Variants in CREB5 observed in about 807,000 individuals in gnomAD.
The protein encoded by CREB5 is cAMP responsive element binding protein 5, also known as cyclic AMP-responsive element-binding protein 5.
Under a neutral mutation model 57.1 loss-of-function variants are expected in CREB5, and 19 were observed. That is an observed-to-expected ratio of 0.33 (90% CI 0.23 to 0.49). CREB5 has a LOEUF of 0.49. Ranked by LOEUF, CREB5 falls within the 20% of genes least tolerant of loss-of-function variation. The pLI is 0.99. For synonymous variants in CREB5, 238 were observed against 238.3 expected (o/e 1.00, Z 0.01); for missense variants, 579 against 671.6 (o/e 0.86, Z 1.52).
chr7:28,559,030 C>G (rs1486691542), intron 4 of CREB5, among the ~76,000 whole-genome samples: 1 of 152,172 alleles, frequency 6.6e-6, no homozygotes, highest in African/African-American at 2.4e-5. Context: ...TTTAAATACC[C>G]TTTCGTCTCC....
intron 5 of CREB5, among the ~76,000 whole-genome samples, chr7:28,714,471 C>A (rs1176421630): frequency 1.3e-5 from 2 of 152,156 alleles, no homozygotes; most frequent in Non-Finnish European, 1.5e-5. Flanking sequence ...GGTGGAGAGA[C>A]CCCTTCGCAC....
intron 7 of CREB5, among the ~76,000 whole-genome samples, chr7:28,800,004 T>C (rs779710191): frequency 1.5e-4 from 23 of 152,248 alleles, no homozygotes; most frequent in Non-Finnish European, 2.6e-4. Context: ...CAGTGTATCA[T>C]ATGTATCAGG....
At chr7:28,721,391 G>A (rs574028478) in intron 6 of CREB5, among the ~76,000 whole-genome samples, 51 of 152,312 alleles carry the variant, frequency 3.3e-4, no homozygotes, top group African/African-American at 1.1e-3. Flanking sequence ...AAAGCATATC[G>A]TAAGAGTTCC....
chr7:28,313,156 C>T (rs550095494), intron 1 of CREB5, among the ~76,000 whole-genome samples: 8 of 152,274 alleles, frequency 5.3e-5, no homozygotes, highest in African/African-American at 1.9e-4. Context: ...ATGTACGCAG[C>T]TGTTATTGAT....
intron 5 of CREB5, among the ~76,000 whole-genome samples, chr7:28,573,127 C>T (rs1795769623): frequency 6.6e-6 from 1 of 152,144 alleles, no homozygotes; most frequent in Admixed American, 6.5e-5. Context: ...CAGTATGAAA[C>T]TCTAGGTGGT....
chr7:28,420,332 T>C (rs1382858167), intron 1 of CREB5, among the ~76,000 whole-genome samples: 7 of 152,328 alleles, frequency 4.6e-5, no homozygotes, highest in East Asian at 3.9e-4. Flanking sequence ...GAGTAAATCA[T>C]GTGGCTGCTT....
chr7:28,344,980 G>A (rs928690475), intron 1 of CREB5, among the ~76,000 whole-genome samples: 1 of 152,172 alleles, frequency 6.6e-6, no homozygotes, highest in Admixed American at 6.5e-5. Flanking sequence ...AATAATTTAT[G>A]CACCCAACAT....
intron 1 of CREB5, among the ~76,000 whole-genome samples, chr7:28,419,684 A>AT (rs918791880): frequency 2.3e-4 from 35 of 152,154 alleles, no homozygotes; most frequent in African/African-American, 7.9e-4. Context: ...TGTGCTTATC[A>AT]TTTTTTTTAG....
At chr7:28,803,577 T>C (rs1490519603) in intron 7 of CREB5, among the ~76,000 whole-genome samples, 1 of 151,908 alleles carries the variant, frequency 6.6e-6, no homozygotes, top group East Asian at 1.9e-4. Context: ...GCCAAGATGA[T>C]GAAACCCCAT....
chr7:28,705,598 A>G (rs1172046402), intron 5 of CREB5, among the ~76,000 whole-genome samples: 1 of 152,192 alleles, frequency 6.6e-6, no homozygotes, highest in Admixed American at 6.5e-5. Flanking sequence ...TCAGACCCCA[A>G]GTCCCTCTGG....
chr7:28,512,255 C>G (rs539912058), intron 4 of CREB5, among the ~76,000 whole-genome samples: 30 of 152,138 alleles, frequency 2.0e-4, no homozygotes, highest in Admixed American at 2.0e-3. Context: ...AATGTAGAAA[C>G]GGTGTTTATG....
rs1245457420 is a variant in CREB5 at position 28,819,286 on chromosome 7, C to T, written c.*7C>T. 1.2e-6 allele frequency: 2 copies of T among 1,611,644 alleles called. No homozygotes were observed. Among genetic ancestry groups the T allele is most frequent in the East Asian group, 2.2e-5 (1 of 44,862 alleles). On this transcript the variant is annotated 3_prime_UTR_variant, in exon 11 of 11. Transcript: ENST00000357727. ...CCTGAATCCGATTCTTTAAAATGCA[C>T]CATCAGACCTGGCCTCCAAGAAGAG...
chr7:28,633,583 A>C (rs1035902744), intron 5 of CREB5, among the ~76,000 whole-genome samples: 1 of 152,172 alleles, frequency 6.6e-6, no homozygotes, highest in Admixed American at 6.5e-5. Context: ...CAAGGTGCTC[A>C]CACAGTGGTC....
chr7:28,358,557 A>G (rs1786394669), intron 1 of CREB5, among the ~76,000 whole-genome samples: 1 of 152,224 alleles, frequency 6.6e-6, no homozygotes, highest in African/African-American at 2.4e-5. Flanking sequence ...CTTTGCCTTG[A>G]TTGCCAATTA....
intron 7 of CREB5, among the ~76,000 whole-genome samples, chr7:28,776,277 A>G (rs1328178449): frequency 6.6e-6 from 1 of 151,366 alleles, no homozygotes; most frequent in Non-Finnish European, 1.5e-5. Context: ...GGCGGAGCTT[A>G]CAATGAGCCG....
At chr7:28,718,528 C>T (rs1190632244) in intron 5 of CREB5, among the ~76,000 whole-genome samples, 1 of 152,134 alleles carries the variant, frequency 6.6e-6, no homozygotes, top group Non-Finnish European at 1.5e-5. Flanking sequence ...TAACAGAGGT[C>T]AGGAAATGAA....
At chr7:28,672,111 A>G (rs532202409) in intron 5 of CREB5, among the ~76,000 whole-genome samples, 1 of 152,002 alleles carries the variant, frequency 6.6e-6, no homozygotes, top group Non-Finnish European at 1.5e-5. Flanking sequence ...AAATACAAAA[A>G]TCACTTTCTA....
At chr7:28,605,309 A>G (rs939874616) in intron 5 of CREB5, among the ~76,000 whole-genome samples, 7 of 152,162 alleles carry the variant, frequency 4.6e-5, no homozygotes, top group African/African-American at 1.7e-4. Context: ...AGATTCAAAA[A>G]CAGCTCGTAA....
chr7:28,560,951 CGT>C (rs1349050648), intron 4 of CREB5, among the ~76,000 whole-genome samples: 1,561 of 38,864 alleles, frequency 0.04, 223 homozygotes, highest in African/African-American at 0.12. Flanking sequence ...CGTGTGTGTG[CGT>C]GTGTGTGCGT....
Sources: gnomAD v4.1 joint callset for allele counts (sites outside exome capture counted in the v4.1 genomes callset) on GRCh38, gnomAD v4.1.1 for gene constraint, MANE v1.5 for transcripts, NCBI Gene and HGNC (gene_info 2026-07-23, HGNC 2026-07-21) for gene names.